Variants in TCF3 observed in about 807,000 individuals in gnomAD.
TCF3 encodes the protein transcription factor E2-alpha.
TCF3 carries 54 observed loss-of-function variants against 72.3 expected under a neutral mutation model. The ratio of observed to expected loss-of-function variants is 0.75; its 90% CI spans 0.60 to 0.94. The LOEUF (loss-of-function observed/expected upper bound fraction) is 0.94. TCF3 is among the 40% of genes least tolerant of loss of function. The probability of loss-of-function intolerance (pLI) is 0.00; values close to 1 mark genes in which losing one functional copy is unlikely to be tolerated. For synonymous variants in TCF3, 525 were observed against 412.6 expected (o/e 1.27, Z -3.30); for missense variants, 1,078 against 934.4 (o/e 1.15, Z -2.00).
chr19:1,631,788 T>C (rs2063744537), intron 5 of TCF3, among the ~76,000 whole-genome samples: 1 of 152,052 alleles, frequency 6.6e-6, no homozygotes, highest in Non-Finnish European at 1.5e-5. Flanking sequence ...GGAAGTGGGG[T>C]CTGGAACGGC....
chr19:1,644,110 A>G (rs1010004398), intron 3 of TCF3, among the ~76,000 whole-genome samples: 2 of 152,174 alleles, frequency 1.3e-5, no homozygotes, highest in African/African-American at 4.8e-5. Flanking sequence ...GGGTCCTCGG[A>G]GAGGAGAAGC....
Position 1,615,514 on chromosome 19 carries a change from G to A in TCF3, c.1593C>T (p.Asp531=), listed in dbSNP as rs753623329. The stretch of plus-strand genomic sequence containing the variant: ...GGGGGAGAAGGTCGTCCTCGTCCTC[G>A]TCTGGGCTATGGGGAGGGCGCCGGG... ...LKAPRARTSP[D]EDEDDLLPPE... Residue 531 remains aspartate, a synonymous_variant, in exon 18 of 19, where the codon GAC becomes GAT. Coordinates refer to ENST00000262965, the MANE Select transcript of TCF3 (RefSeq NM_003200.5). The surrounding 1 kb of genome is among the most constrained non-coding windows in gnomAD (Gnocchi z 7.3). 11 of 1,608,024 alleles carry A rather than the reference G, an allele frequency of 6.8e-6. No homozygotes were observed. Among genetic ancestry groups the A allele is most frequent in the Admixed American group, 5.0e-5 (3 of 59,990 alleles).
At chr19:1,619,266 G>A (rs1262021178) in intron 15 of TCF3, 32 bp from the exon 16 acceptor site, 11 of 1,575,306 alleles carry the variant, frequency 7.0e-6, no homozygotes, top group South Asian at 1.1e-5. Flanking sequence ...TGCATCAGGG[G>A]GAGCCGGGTC....
chr19:1,615,212 G>A lies in TCF3; in HGVS notation c.1822+73C>T, dbSNP rs1046328223. 9.3e-6 allele frequency: 14 copies of A among 1,497,510 alleles called. No homozygotes were observed. In the African/African-American group the frequency reaches 1.7e-4, roughly 18 times the overall value. The allele number at this position is 1,497,510 out of a possible 1,614,324, so 92.8% of individuals were successfully genotyped here. ...GGCTGGCTCCAGGAAGGCGGGCGGG[G>A]AAGGAGAACGAGGGCAGGAACACGA... On this transcript the variant is annotated intron_variant, in intron 18 of 18. Transcript: ENST00000262965. The surrounding 1 kb of genome is among the most constrained non-coding windows in gnomAD (Gnocchi z 7.3).
rs1184111457 is a variant in TCF3 at position 1,615,809 on chromosome 19, G to A, written c.1463C>T (p.Ala488Val). 3 of 1,566,340 alleles carry A rather than the reference G, an allele frequency of 1.9e-6. No individual in the cohort carries two copies. Among genetic ancestry groups the A allele is most frequent in the African/African-American group, 2.7e-5 (2 of 74,268 alleles). ...PPDSYSGLGR[A>V]GATAAASEIK... is the part of the protein sequence containing the mutation. ...CTCGCTGGCGGCCGCCGTGGCACCT[G>A]CTCGCCCTAGCCCTGCAACAGGCCT... The change falls in exon 17 of 19, where the codon GCA becomes GTA. Residue 488 changes from alanine (A) to valine (V), a missense_variant. Coordinates refer to ENST00000262965, the MANE Select transcript of TCF3 (RefSeq NM_003200.5). This position sits in a 1 kb window ranked among gnomAD's most constrained non-coding sequence, Gnocchi z 7.3.
At chr19:1,637,890 T>C (rs532584856) in intron 3 of TCF3, among the ~76,000 whole-genome samples, 7 of 150,104 alleles carry the variant, frequency 4.7e-5, no homozygotes, top group African/African-American at 7.4e-5. Context: ...GCCTGGGCAA[T>C]AGAGCGAGAC....
rs144476299 is a variant in TCF3, at chr19:1,614,933, C to T, written c.1822+352G>A. Among the ~76,000 whole-genome samples the T allele has an allele frequency of 2.0e-3, 299 of 152,272 alleles. 1 individual carries two copies. Among genetic ancestry groups the T allele is most frequent in the African/African-American group, 6.9e-3 (285 of 41,540 alleles). ...ATCGGGGGACACTGGCCTCTGTGAG[C>T]TGGGTTCTGGGCTTCCCAAGAAAGG... On this transcript the variant is annotated intron_variant, in intron 18 of 18. Coordinates refer to ENST00000262965, the MANE Select transcript of TCF3 (RefSeq NM_003200.5). This position sits in a 1 kb window ranked among gnomAD's most constrained non-coding sequence, Gnocchi z 5.6.
Position 1,615,917 on chromosome 19 carries a change from GA to G in TCF3, c.1451-97del. The G allele has an allele frequency of 7.1e-7, 1 of 1,415,518 alleles. No homozygotes were observed. Among genetic ancestry groups the G allele is most frequent in the East Asian group, 2.4e-5 (1 of 41,464 alleles). 87.7% of individuals were successfully genotyped at this position (1,415,518 alleles called of 1,614,324 possible). A position where few individuals can be genotyped will look rare whatever the true frequency, so the allele number is the denominator to read the frequency against. ...GTGGTGAGGGACTTGGGCTTTCCTG[GA>G]AAAACCAGGTCTTGGCCAAAAATAA... On this transcript the variant is annotated intron_variant, in intron 16 of 18. Coordinates refer to ENST00000262965, the MANE Select transcript of TCF3 (RefSeq NM_003200.5). This position sits in a 1 kb window ranked among gnomAD's most constrained non-coding sequence, Gnocchi z 7.3.
chr19:1,626,115 A>G (rs1406137783), intron 6 of TCF3, among the ~76,000 whole-genome samples: 1 of 152,120 alleles, frequency 6.6e-6, no homozygotes, highest in African/African-American at 2.4e-5. Context: ...CTGGGGAGCC[A>G]GGGCTGCCCT....
chr19:1,624,098 T>G, intron 7 of TCF3, 98 bp from the exon 8 acceptor site: 1 of 1,313,330 alleles, frequency 7.6e-7, no homozygotes, highest in Non-Finnish European at 1.1e-6. Flanking sequence ...CCGTTTCATA[T>G]ATTAAAAACC....
In TCF3 at chr19:1,619,179, T is replaced by C. The variant is rs1024231524; in HGVS notation, c.1382A>G (p.Asn461Ser). 1.6e-5 allele frequency: 26 copies of C among 1,600,400 alleles called. No homozygotes were observed. Among genetic ancestry groups the C allele is most frequent in the Non-Finnish European group, 2.1e-5 (25 of 1,179,698 alleles). Residue 461 changes from asparagine (N) to serine (S), a missense_variant, in exon 16 of 19, where the codon AAC becomes AGC. Transcript: ENST00000262965. ...TGGCTGGCTGGGGAGGGCCGCGTGG[T>C]TGTGCATGAGGCTGGTGCTGCCTGC... ...GLAGSTSLMH[N>S]HAALPSQPGT... is the part of the protein sequence containing the mutation.
intron 3 of TCF3, among the ~76,000 whole-genome samples, chr19:1,642,216 GCAGACGCA>G (rs1200695763): frequency 9.4e-5 from 14 of 149,220 alleles, no homozygotes; most frequent in African/African-American, 2.0e-4. Flanking sequence ...GCACACACGC[GCAGACGCA>G]CAGACACGCA....
intron 6 of TCF3, 139 bp downstream of exon 6, chr19:1,627,220 G>GGCCCCAGCCCCCCCCT: frequency 6.2e-6 from 1 of 161,264 alleles, no homozygotes; most frequent in South Asian, 8.3e-5. Flanking sequence ...AGCCCACCCT[G>GGCCCCAGCCCCCCCCT]GCCCAAGCCC....
chr19:1,650,074 G>A (rs2066771537), intron 2 of TCF3, 103 bp downstream of exon 2: 2 of 1,176,124 alleles, frequency 1.7e-6, no homozygotes, highest in East Asian at 2.6e-5. Flanking sequence ...AAACAGCTGA[G>A]GCTCCATCGC....
chr19:1,631,110 T>A (rs1017706049), intron 5 of TCF3, among the ~76,000 whole-genome samples: 6 of 152,118 alleles, frequency 3.9e-5, no homozygotes, highest in African/African-American at 1.4e-4. Context: ...CCACCTGGCA[T>A]TGGGCAGGGC....
At chr19:1,621,376 G>A (rs959056255) in intron 11 of TCF3, among the ~76,000 whole-genome samples, 185 bp from the exon 12 acceptor site, 2 of 152,264 alleles carry the variant, frequency 1.3e-5, no homozygotes, top group Non-Finnish European at 2.9e-5. Flanking sequence ...CTGGGGACAG[G>A]CCACTGGCAG....
Position 1,614,319 on chromosome 19 carries a change from G to C in TCF3, c.1822+966C>G, listed in dbSNP as rs567431446. On this transcript the variant is annotated intron_variant, in intron 18 of 18. Coordinates refer to ENST00000262965, the MANE Select transcript of TCF3 (RefSeq NM_003200.5). The surrounding 1 kb of genome is among the most constrained non-coding windows in gnomAD (Gnocchi z 5.6). ...ACAGGACCAGGGGCTGCGTGCTCCC[G>C]GGTCTGGTTTCTTCCCGCAAGCCCT... is the stretch of plus-strand genomic sequence containing the variant. Among the ~76,000 whole-genome samples the C allele has an allele frequency of 9.8e-4, 150 of 152,344 alleles. 1 individual carries two copies. Among genetic ancestry groups the C allele is most frequent in the African/African-American group, 3.5e-3 (145 of 41,578 alleles).
chr19:1,648,813 G>A (rs1187451589), intron 2 of TCF3, among the ~76,000 whole-genome samples: 5 of 103,584 alleles, frequency 4.8e-5, no homozygotes, highest in African/African-American at 1.8e-4. Flanking sequence ...GCTGCCACTG[G>A]GCATGGGGGG....
intron 18 of TCF3, chr19:1,612,227 C>G (rs1334135425): frequency 6.3e-7 from 1 of 1,592,956 alleles, no homozygotes; most frequent in South Asian, 1.1e-5. Flanking sequence ...CTGCTCCAGC[C>G]CCAGGATGAC....
Sources: gnomAD v4.1 joint callset for allele counts (sites outside exome capture counted in the v4.1 genomes callset) on GRCh38, gnomAD v4.1.1 for gene constraint, Gnocchi (gnomAD v3.1) non-coding constraint, MANE v1.5 for transcripts, NCBI Gene and HGNC (gene_info 2026-07-23, HGNC 2026-07-21) for gene names.